Variants in RNF115 observed in about 807,000 individuals in gnomAD.
RNF115 encodes E3 ubiquitin-protein ligase RNF115.
A neutral mutation model predicts 39.2 loss-of-function variants in RNF115; 31 were observed. The ratio of observed to expected loss-of-function variants is 0.79; its 90% CI spans 0.59 to 1.07. The LOEUF (loss-of-function observed/expected upper bound fraction) is 1.07, where lower values mean the gene tolerates loss of function less well. Among genes scored for constraint, RNF115 ranks in the 50% least tolerant of loss-of-function variants. The probability of loss-of-function intolerance (pLI) is 0.00; values close to 1 mark genes in which losing one functional copy is unlikely to be tolerated. For missense variants in RNF115, 384 were observed against 381.7 expected (o/e 1.01, Z -0.05); for synonymous variants, 124 against 131.0 (o/e 0.95, Z 0.37).
At chr1:145,807,872 A>G (rs587775557) in intron 1 of RNF115, among the ~76,000 whole-genome samples, 2 of 152,226 alleles carry the variant, frequency 1.3e-5, no homozygotes, top group East Asian at 3.9e-4. Flanking sequence ...CCAGCCTCAG[A>G]TATCATTCCA....
At chr1:145,777,087 G>A (rs782509385) in intron 3 of RNF115, among the ~76,000 whole-genome samples, 9 of 152,232 alleles carry the variant, frequency 5.9e-5, no homozygotes, top group African/African-American at 1.7e-4. Flanking sequence ...GAAAAAGTAC[G>A]AGCAGACTCC....
intron 3 of RNF115, among the ~76,000 whole-genome samples, chr1:145,776,366 G>A (rs1418748379): frequency 1.3e-5 from 2 of 151,736 alleles, no homozygotes; most frequent in East Asian, 4.0e-4. Context: ...GTTTCACCAT[G>A]TTGGCCAGAC....
intron 1 of RNF115, among the ~76,000 whole-genome samples, chr1:145,789,949 C>T (rs1352221661): frequency 6.6e-6 from 1 of 151,824 alleles, no homozygotes; most frequent in Non-Finnish European, 1.5e-5. Flanking sequence ...CCACCCGCCT[C>T]GGCCTCCGAA....
chr1:145,800,750 G>A (rs782494546), intron 1 of RNF115, among the ~76,000 whole-genome samples: 2 of 152,190 alleles, frequency 1.3e-5, no homozygotes, highest in Non-Finnish European at 2.9e-5. Flanking sequence ...GGGGAGAAGT[G>A]TCCAGCTGAA....
intron 4 of RNF115, among the ~76,000 whole-genome samples, chr1:145,771,261 G>T (rs68014690): frequency 0.84 from 127,170 of 152,184 alleles, 53,374 homozygotes; most frequent in African/African-American, 0.9. Flanking sequence ...AAGGATGAGT[G>T]TGGCACCTTT....
At chr1:145,750,978 A>T (rs1419482258) in intron 6 of RNF115, among the ~76,000 whole-genome samples, 9 of 152,220 alleles carry the variant, frequency 5.9e-5, no homozygotes, top group Admixed American at 5.9e-4. Context: ...ACGGAAATGA[A>T]AAACCAATCA....
At chr1:145,747,797 A>G (rs1657929566) in intron 8 of RNF115, among the ~76,000 whole-genome samples, 198 bp downstream of exon 8, 1 of 152,242 alleles carries the variant, frequency 6.6e-6, no homozygotes, top group African/African-American at 2.4e-5. Context: ...TTTTATTTAC[A>G]ATAACAGGTG....
chr1:145,822,010 C>A (rs1483313314), intron 1 of RNF115, among the ~76,000 whole-genome samples: 1 of 151,734 alleles, frequency 6.6e-6, no homozygotes, highest in Non-Finnish European at 1.5e-5. Context: ...CATAAACACA[C>A]AGCAAAATCA....
chr1:145,809,025 C>T (rs1165577563), intron 1 of RNF115, among the ~76,000 whole-genome samples: 8 of 152,116 alleles, frequency 5.3e-5, no homozygotes, highest in African/African-American at 1.9e-4. Context: ...TATGGGATGA[C>T]TCCTCTTCTT....
Position 145,824,087 on chromosome 1 carries a change from A to T in RNF115, c.-214T>A. Reference sequence around the variant, plus strand: ...CTCCCAGCACCAAAGAGGCGCAGGAAGGAGAGACAAACGGCCCGCCCGCCG... The same window carrying T: ...CTCCCAGCACCAAAGAGGCGCAGGATGGAGAGACAAACGGCCCGCCCGCCG... On this transcript the variant is annotated 5_prime_UTR_variant, in exon 1 of 9. Transcript: ENST00000582693. 5 of 446,030 alleles carry T rather than the reference A, an allele frequency of 1.1e-5. No homozygotes were observed. Among genetic ancestry groups the T allele is most frequent in the Admixed American group, 4.5e-5 (1 of 22,194 alleles). 27.6% of individuals were successfully genotyped at this position (446,030 alleles called of 1,614,324 possible). A position where few individuals can be genotyped will look rare whatever the true frequency, so the allele number is the denominator to read the frequency against.
chr1:145,753,119 C>T (rs1658160113), intron 4 of RNF115, 70 bp from the exon 5 acceptor site: 1 of 1,026,038 alleles, frequency 9.7e-7, no homozygotes, highest in Non-Finnish European at 1.5e-6. Flanking sequence ...TCCATGGCTG[C>T]CTAATCACCA....
At chr1:145,760,487 T>C (rs1658457330) in intron 4 of RNF115, among the ~76,000 whole-genome samples, 1 of 152,194 alleles carries the variant, frequency 6.6e-6, no homozygotes, top group Admixed American at 6.5e-5. Context: ...AATTGAATCA[T>C]GGAGGCCGAT....
rs1553725060 is a variant in RNF115 at position 145,823,993 on chromosome 1, C to T, written c.-120G>A. 2.9e-6 allele frequency: 2 copies of T among 696,734 alleles called. No homozygotes were observed. The highest frequency in any genetic ancestry group is 1.9e-5 in the African/African-American group (1 of 52,366). 43.2% of individuals were successfully genotyped at this position (696,734 alleles called of 1,614,324 possible). A position where few individuals can be genotyped will look rare whatever the true frequency, so the allele number is the denominator to read the frequency against. Reference sequence around the variant, plus strand: ...CTCGGTGCGGCCCACCGCTTCAGAGCCCGCGTCGGTCACGTGAGTTGGCCA... The same window carrying T: ...CTCGGTGCGGCCCACCGCTTCAGAGTCCGCGTCGGTCACGTGAGTTGGCCA... On this transcript the variant is annotated 5_prime_UTR_variant, in exon 1 of 9. Transcript: ENST00000582693.
intron 1 of RNF115, among the ~76,000 whole-genome samples, chr1:145,793,446 T>G (rs373902341): frequency 6.6e-6 from 1 of 152,270 alleles, no homozygotes; most frequent in South Asian, 2.1e-4. Context: ...ACAGAGTCAA[T>G]AGAAAAATGA....
chr1:145,799,068 T>A (rs1336165265), intron 1 of RNF115, among the ~76,000 whole-genome samples: 1 of 151,448 alleles, frequency 6.6e-6, no homozygotes, highest in Non-Finnish European at 1.5e-5. Context: ...ATGTTTAGGG[T>A]TTTCTTTTTT....
At chr1:145,763,551 T>G (rs1553714152) in intron 4 of RNF115, among the ~76,000 whole-genome samples, 1 of 151,946 alleles carries the variant, frequency 6.6e-6, no homozygotes, top group African/African-American at 2.4e-5. Flanking sequence ...TACAAAAAAT[T>G]TTCCAGGCAT....
chr1:145,786,316 T>G lies in RNF115; in HGVS notation c.162-1720A>C, dbSNP rs765608726. On this transcript the variant is annotated intron_variant, in intron 2 of 8. Transcript: ENST00000582693. ...GCCCTCCTCTTACTGGTTTTTACCC[T>G]CCACTACTTACCACTGCAATTGCTA... Among the ~76,000 whole-genome samples the G allele has an allele frequency of 3.0e-4, 45 of 152,306 alleles. 1 individual carries two copies. Among genetic ancestry groups the G allele is most frequent in the Non-Finnish European group, 5.4e-4 (37 of 68,032 alleles).
chr1:145,765,721 A>G (rs1485614762), intron 4 of RNF115, among the ~76,000 whole-genome samples: 1 of 152,218 alleles, frequency 6.6e-6, no homozygotes, highest in Admixed American at 6.5e-5. Context: ...GAGCTAGTCT[A>G]TTCAAGACCT....
intron 1 of RNF115, among the ~76,000 whole-genome samples, chr1:145,819,271 C>CAAAA (rs59058505): frequency 1.5e-4 from 8 of 52,294 alleles, no homozygotes; most frequent in Non-Finnish European, 2.8e-4. Flanking sequence ...CCTTATCTCT[C>CAAAA]AAAAAAAAAA....
Sources: allele counts gnomAD v4.1 joint callset (sites outside exome capture counted in the v4.1 genomes callset), GRCh38; gene constraint gnomAD v4.1.1; transcripts MANE v1.5; gene names NCBI Gene and HGNC (gene_info 2026-07-23, HGNC 2026-07-21).